SESTD1: variants seen among roughly 807,000 people sequenced by gnomAD.
SESTD1 encodes the protein SEC14 domain and spectrin repeat-containing protein 1.
In SESTD1, 43 loss-of-function variants were observed where a neutral mutation model predicts 101.7. The observed-to-expected ratio is 0.42, with a 90% CI of 0.33 to 0.55. The LOEUF (loss-of-function observed/expected upper bound fraction) is 0.55, where lower values mean the gene tolerates loss of function less well. Ranked by LOEUF, SESTD1 falls within the 20% of genes least tolerant of loss-of-function variation. The pLI is 0.07. For missense variants in SESTD1, 647 were observed against 815.1 expected (o/e 0.79, Z 2.51); for synonymous variants, 283 against 286.8 (o/e 0.99, Z 0.13).
chr2:179,248,156 T>C (rs1296294356), intron 1 of SESTD1, among the ~76,000 whole-genome samples: 14 of 151,990 alleles, frequency 9.2e-5, no homozygotes, highest in South Asian at 2.1e-4. Flanking sequence ...AATAGAGTAC[T>C]ATGAACACCT....
intron 5 of SESTD1, among the ~76,000 whole-genome samples, chr2:179,165,107 G>A (rs996417207): frequency 1.3e-5 from 2 of 152,046 alleles, no homozygotes; most frequent in Non-Finnish European, 2.9e-5. Flanking sequence ...CTTAAAGCCG[G>A]GTTTGCCTGG....
intron 17 of SESTD1, among the ~76,000 whole-genome samples, chr2:179,111,866 C>G (rs562465756): frequency 1.3e-5 from 2 of 152,074 alleles, no homozygotes; most frequent in South Asian, 4.2e-4. Flanking sequence ...ACTACAGGCA[C>G]CCGCCACCAC....
intron 5 of SESTD1, among the ~76,000 whole-genome samples, chr2:179,155,923 T>C (rs1332201107): frequency 2.0e-5 from 3 of 152,142 alleles, no homozygotes; most frequent in Admixed American, 6.5e-5. Flanking sequence ...CCAAAGTCTA[T>C]TTTATCATTC....
At chr2:179,227,521 C>T (rs940520510) in intron 1 of SESTD1, among the ~76,000 whole-genome samples, 2 of 152,148 alleles carry the variant, frequency 1.3e-5, no homozygotes, top group Admixed American at 6.5e-5. Flanking sequence ...CATCCACTAT[C>T]ACTATACTCT....
intron 5 of SESTD1, among the ~76,000 whole-genome samples, chr2:179,156,022 GAAT>G (rs1021210867): frequency 6.6e-6 from 1 of 152,056 alleles, no homozygotes; most frequent in African/African-American, 2.4e-5. Context: ...ACTTCACTTA[GAAT>G]AATAGTCTCC....
intron 1 of SESTD1, among the ~76,000 whole-genome samples, chr2:179,207,969 T>A (rs1440731790): frequency 7.5e-6 from 1 of 133,614 alleles, no homozygotes; most frequent in Non-Finnish European, 1.6e-5. Context: ...CTTAAAGAAA[T>A]TTTAAAAAAT....
At position 179,108,092 on chromosome 2, in the gene SESTD1, G is replaced by A. The variant is rs962250705; in HGVS notation, c.*1807C>T. The A allele has an allele frequency of 2.0e-5, 3 of 152,076 alleles. No homozygotes were observed. The highest frequency in any genetic ancestry group is 4.4e-5 in the Non-Finnish European group (3 of 67,996). 9.4% of individuals were successfully genotyped at this position (152,076 alleles called of 1,614,324 possible). ...ATAAATATTGTCAATCTTTAATCAA[G>A]GTTGAAATGTCAACTAGGCAATTAA... On this transcript the variant is annotated 3_prime_UTR_variant, in exon 18 of 18. Coordinates refer to ENST00000428443, the MANE Select transcript of SESTD1 (RefSeq NM_178123.5).
chr2:179,107,297 T>A lies in SESTD1; in HGVS notation c.*2602A>T, dbSNP rs996033296. On this transcript the variant is annotated 3_prime_UTR_variant, in exon 18 of 18. Coordinates refer to ENST00000428443, the MANE Select transcript of SESTD1 (RefSeq NM_178123.5). ...CAGCAAATTTACAGATGAGGAGCAATGATATTCATTATGTTAAAATCATAC... is the reference window on the plus strand; with the variant it reads ...CAGCAAATTTACAGATGAGGAGCAAAGATATTCATTATGTTAAAATCATAC... The A allele has an allele frequency of 6.6e-6, 1 of 152,166 alleles. No homozygotes were observed. Among genetic ancestry groups the A allele is most frequent in the African/African-American group, 2.4e-5 (1 of 41,442 alleles). 9.4% of individuals were successfully genotyped at this position (152,166 alleles called of 1,614,324 possible). A position where few individuals can be genotyped will look rare whatever the true frequency, so the allele number is the denominator to read the frequency against.
intron 1 of SESTD1, among the ~76,000 whole-genome samples, chr2:179,259,263 ACT>A (rs1260710684): frequency 1.3e-5 from 2 of 151,904 alleles, no homozygotes; most frequent in South Asian, 2.1e-4. Context: ...ACAGAGTCTC[ACT>A]CTGTCGCCCA....
intron 10 of SESTD1, among the ~76,000 whole-genome samples, chr2:179,128,821 C>T (rs2044942519): frequency 6.6e-6 from 1 of 151,188 alleles, no homozygotes; most frequent in South Asian, 2.1e-4. Context: ...CAGCCATTCT[C>T]CGGTCTGTCT....
At position 179,156,633 on chromosome 2, in the gene SESTD1, T is replaced by C. The variant is rs56347465; in HGVS notation, c.370-5242A>G. The stretch of plus-strand genomic sequence containing the variant: ...CCATTTGTATATCTTCTTTTGAGAA[T>C]TGTCTATTCATGTCCTTAGCCTACT... On this transcript the variant is annotated intron_variant, in intron 5 of 17. Coordinates refer to ENST00000428443, the MANE Select transcript of SESTD1 (RefSeq NM_178123.5). 5.9e-5 allele frequency among the ~76,000 whole-genome samples: 9 copies of C among 152,194 alleles called. 1 individual carries two copies. Among genetic ancestry groups the C allele is most frequent in the Admixed American group, 1.3e-4 (2 of 15,278 alleles).
chr2:179,119,527 G>A (rs2044702692), intron 13 of SESTD1, among the ~76,000 whole-genome samples: 1 of 152,170 alleles, frequency 6.6e-6, no homozygotes, highest in African/African-American at 2.4e-5. Context: ...CTGGTGGGAT[G>A]TGATTAGATG....
At chr2:179,193,734 C>T (rs568714219) in intron 1 of SESTD1, among the ~76,000 whole-genome samples, 2 of 152,276 alleles carry the variant, frequency 1.3e-5, no homozygotes, top group East Asian at 1.9e-4. Context: ...GGACAAACCC[C>T]GTCTATTCCT....
At chr2:179,214,654 G>A (rs1366612341) in intron 1 of SESTD1, among the ~76,000 whole-genome samples, 1 of 134,830 alleles carries the variant, frequency 7.4e-6, no homozygotes, top group East Asian at 2.0e-4. Context: ...GATGTCTACA[G>A]AACTCTCCAT....
At chr2:179,254,235 G>A (rs1029533848) in intron 1 of SESTD1, among the ~76,000 whole-genome samples, 2 of 152,008 alleles carry the variant, frequency 1.3e-5, no homozygotes, top group African/African-American at 4.8e-5. Flanking sequence ...ATAATGTAGA[G>A]GATTAATGAG....
At chr2:179,157,256 T>C (rs1302102057) in intron 5 of SESTD1, among the ~76,000 whole-genome samples, 1 of 152,140 alleles carries the variant, frequency 6.6e-6, no homozygotes, top group African/African-American at 2.4e-5. Flanking sequence ...CCCATACTCA[T>C]GGATGAGTAG....
intron 3 of SESTD1, among the ~76,000 whole-genome samples, chr2:179,179,475 T>A (rs2046070744): frequency 6.6e-6 from 1 of 152,172 alleles, no homozygotes; most frequent in African/African-American, 2.4e-5. Flanking sequence ...ATCCTGCAGA[T>A]CTTCACTCAT....
chr2:179,106,032 CATAGT>C lies in SESTD1; in HGVS notation c.*3862_*3866del, dbSNP rs2044375043. 6.6e-6 allele frequency: 1 copy of C among 152,182 alleles called. No individual in the cohort carries two copies. The highest frequency in any genetic ancestry group is 6.5e-5 in the Admixed American group (1 of 15,268). The allele number at this position is 152,182 out of a possible 1,614,324, so 9.4% of individuals were successfully genotyped here. A position where few individuals can be genotyped will look rare whatever the true frequency, so the allele number is the denominator to read the frequency against. ...GGGTATTTGTTGCTCTATATACCAG[CATAGT>C]ATATTTTCTACTCCCAACTGAAGCT... On this transcript the variant is annotated 3_prime_UTR_variant, in exon 18 of 18. Transcript: ENST00000428443.
chr2:179,151,183 AAAT>A (rs1331806838), intron 6 of SESTD1, 92 bp downstream of exon 6: 28 of 829,068 alleles, frequency 3.4e-5, no homozygotes, highest in East Asian at 2.3e-4. Context: ...GTAAAAAGAA[AAAT>A]AATCTATATT....
Sources: gnomAD v4.1 joint callset for allele counts (sites outside exome capture counted in the v4.1 genomes callset) on GRCh38, gnomAD v4.1.1 for gene constraint, MANE v1.5 for transcripts, NCBI Gene and HGNC (gene_info 2026-07-23, HGNC 2026-07-21) for gene names.